Variants in PHACTR2 observed in about 807,000 individuals in gnomAD.
PHACTR2 encodes chromosome 6 open reading frame 56.
Under a neutral mutation model 76.0 loss-of-function variants are expected in PHACTR2, and 30 were observed. That is an observed-to-expected ratio of 0.39 (90% CI 0.30 to 0.54). The LOEUF (loss-of-function observed/expected upper bound fraction) is 0.54, where lower values mean the gene tolerates loss of function less well. PHACTR2 is among the 20% of genes least tolerant of loss of function. The probability of loss-of-function intolerance (pLI) is 0.61; values close to 1 mark genes in which losing one functional copy is unlikely to be tolerated. For missense variants in PHACTR2, 696 were observed against 781.1 expected (o/e 0.89, Z 1.30); for synonymous variants, 292 against 292.5 (o/e 1.00, Z 0.02).
intron 2 of PHACTR2, among the ~76,000 whole-genome samples, chr6:143,737,885 A>T (rs1299550851): frequency 6.6e-6 from 1 of 152,196 alleles, no homozygotes; most frequent in Non-Finnish European, 1.5e-5. Flanking sequence ...TGTAGGCAAG[A>T]TGGTAGGTAG....
chr6:143,827,173 T>TATATATATATATATATATATA lies in PHACTR2; in HGVS notation c.*3485_*3505dup, dbSNP rs1776557170. Reference sequence around the variant, plus strand: ...AAAAGAAAATATATATATATATATATATATATATATATATATATATATATA... The same window carrying TATATATATATATATATATATA: ...AAAAGAAAATATATATATATATATATATATATATATATATATATATAATATATATATATATATATATATATA... On this transcript the variant is annotated 3_prime_UTR_variant, in exon 13 of 13. Transcript: ENST00000440869. 8.3e-6 allele frequency: 1 copy of TATATATATATATATATATATA among 119,836 alleles called. No homozygotes were observed. Among genetic ancestry groups the TATATATATATATATATATATA allele is most frequent in the Non-Finnish European group, 1.7e-5 (1 of 58,146 alleles). 7.4% of individuals were successfully genotyped at this position (119,836 alleles called of 1,614,324 possible). A position where few individuals can be genotyped will look rare whatever the true frequency, so the allele number is the denominator to read the frequency against.
rs1775411135 is a variant in PHACTR2, at chr6:143,780,811, T to G, written c.1646-2408T>G. 6.6e-6 allele frequency among the ~76,000 whole-genome samples: 1 copy of G among 152,234 alleles called. No individual in the cohort carries two copies. Among genetic ancestry groups the G allele is most frequent in the Non-Finnish European group, 1.5e-5 (1 of 68,044 alleles). ...TCAATGAACCACGTCACTTCCTTCA[T>G]GCATATCCCACCAGCCTGTTTAAAT... On this transcript the variant is annotated intron_variant, in intron 9 of 12. Transcript: ENST00000440869. This position sits in a 1 kb window ranked among gnomAD's most constrained non-coding sequence, Gnocchi z 4.4.
intron 1 of PHACTR2, among the ~76,000 whole-genome samples, chr6:143,651,648 T>C: frequency 6.6e-6 from 1 of 151,522 alleles, no homozygotes; most frequent in East Asian, 2.0e-4. Context: ...TGAGAACACA[T>C]GGACACATGG....
At chr6:143,649,716 T>G (rs1776723192) in intron 1 of PHACTR2, among the ~76,000 whole-genome samples, 1 of 152,142 alleles carries the variant, frequency 6.6e-6, no homozygotes, top group Non-Finnish European at 1.5e-5. Flanking sequence ...GCACCATATA[T>G]GACAAACCCA....
In PHACTR2 at chr6:143,546,375, T is replaced by A. The variant is rs1387542357; in HGVS notation, c.217+9168T>A. Among the ~76,000 whole-genome samples, 1 of 150,974 alleles carries A rather than the reference T, an allele frequency of 6.6e-6. No homozygotes were observed. The highest frequency in any genetic ancestry group is 1.5e-5 in the Non-Finnish European group (1 of 67,860). Reference sequence around the variant, plus strand: ...TGTGACTTAAAAAAAAAAAAAAACATGTTATCTCTCTCTAGAACTTTGGAC... The same window carrying A: ...TGTGACTTAAAAAAAAAAAAAAACAAGTTATCTCTCTCTAGAACTTTGGAC... On this transcript the variant is annotated intron_variant, in intron 1 of 11. Transcript: ENST00000367584. This position sits in a 1 kb window ranked among gnomAD's most constrained non-coding sequence, Gnocchi z 4.9.
At position 143,710,820 on chromosome 6, in the gene PHACTR2, G is replaced by C. The variant is rs1778157872; in HGVS notation, c.47-1196G>C. On this transcript the variant is annotated intron_variant, in intron 1 of 12. Coordinates refer to ENST00000440869, the MANE Select transcript of PHACTR2 (RefSeq NM_001100164.2). This position sits in a 1 kb window ranked among gnomAD's most constrained non-coding sequence, Gnocchi z 4.9. ...AGAAAGTTGTTAAAAATACAGAGAA[G>C]ATAAAAGAATTGGTATCACGCCTCA... Among the ~76,000 whole-genome samples the C allele has an allele frequency of 6.6e-6, 1 of 152,216 alleles. No homozygotes were observed. Among genetic ancestry groups the C allele is most frequent in the Non-Finnish European group, 1.5e-5 (1 of 68,032 alleles).
chr6:143,600,513 C>T lies in PHACTR2; in HGVS notation c.217+63306C>T, dbSNP rs1035107761. Among the ~76,000 whole-genome samples the T allele has an allele frequency of 2.0e-5, 3 of 152,156 alleles. No homozygotes were observed. In the East Asian group the frequency reaches 5.8e-4, roughly 29 times the overall value. Reference sequence around the variant, plus strand: ...TTCTTAAAAACTATTTTTAAAAATCCTTGAAGTGATAAATAGATTGAGCTA... The same window carrying T: ...TTCTTAAAAACTATTTTTAAAAATCTTTGAAGTGATAAATAGATTGAGCTA... On this transcript the variant is annotated intron_variant, in intron 1 of 11. Coordinates refer to the PHACTR2 transcript ENST00000367584.
intron 1 of PHACTR2, among the ~76,000 whole-genome samples, chr6:143,565,545 C>A (rs1174323915): frequency 6.8e-6 from 1 of 147,498 alleles, no homozygotes; most frequent in African/African-American, 2.5e-5. Flanking sequence ...GCGGAGCTTG[C>A]AGTGAGCCAA....
intron 2 of PHACTR2, among the ~76,000 whole-genome samples, chr6:143,718,645 G>T (rs1778357176): frequency 6.6e-6 from 1 of 152,158 alleles, no homozygotes; most frequent in Non-Finnish European, 1.5e-5. Flanking sequence ...TAGAAAAATG[G>T]TTGGCAAGGA....
chr6:143,570,459 G>C lies in PHACTR2; in HGVS notation c.217+33252G>C, dbSNP rs1775434125. 6.6e-6 allele frequency among the ~76,000 whole-genome samples: 1 copy of C among 152,170 alleles called. No homozygotes were observed. Among genetic ancestry groups the C allele is most frequent in the South Asian group, 2.1e-4 (1 of 4,830 alleles). On this transcript the variant is annotated intron_variant, in intron 1 of 11. Transcript: ENST00000367584. This position sits in a 1 kb window ranked among gnomAD's most constrained non-coding sequence, Gnocchi z 4.6. ...CAGTGACATGGAAGTAAATATTATT[G>C]TTTTTGGGGGGTGACATCGACTGCA...
chr6:143,725,659 A>G (rs1398286162), intron 2 of PHACTR2, among the ~76,000 whole-genome samples: 1 of 147,188 alleles, frequency 6.8e-6, no homozygotes, highest in East Asian at 2.1e-4. Flanking sequence ...ATATGGTGAA[A>G]CCCCGTCTCT....
chr6:143,707,230 C>T (rs563303302), intron 1 of PHACTR2, among the ~76,000 whole-genome samples: 1 of 152,252 alleles, frequency 6.6e-6, no homozygotes, highest in South Asian at 2.1e-4. Context: ...GTTTGATATC[C>T]TTAGTGTTTT....
rs777874434 is a variant in PHACTR2 at position 143,765,525 on chromosome 6, T to G, written c.959T>G (p.Val320Gly). 1.9e-6 allele frequency: 3 copies of G among 1,614,202 alleles called. No homozygotes were observed. In the South Asian group the frequency reaches 3.3e-5, roughly 18 times the overall value. ...RVESFKLEQT[V>G]PGAEEQNTGK... ...GAGAGTTTCAAACTCGAACAGACTG[T>G]CCCTGGAGCTGAGGAGCAGAACACA... Residue 320 changes from valine to glycine, a missense_variant, in exon 6 of 13, where the codon GTC (valine) becomes GGC (glycine). Val to Gly is a moderately radical substitution (Grantham distance 109, BLOSUM62 -3). This residue lies in a region of PHACTR2 where 460 missense variants were observed against 450.9 expected (regional missense o/e 1.02). Coordinates refer to ENST00000440869, the MANE Select transcript of PHACTR2 (RefSeq NM_001100164.2). The surrounding 1 kb of genome is among the most constrained non-coding windows in gnomAD (Gnocchi z 4.1).
At chr6:143,690,408 C>CT (rs1562271179) in intron 1 of PHACTR2, among the ~76,000 whole-genome samples, 2,589 of 151,718 alleles carry the variant, frequency 0.017, 68 homozygotes, top group African/African-American at 0.057. Flanking sequence ...TCCCATGCCC[C>CT]CTTTTTTTTT....
At chr6:143,770,507 T>C (rs920966194) in intron 6 of PHACTR2, among the ~76,000 whole-genome samples, 1 of 152,208 alleles carries the variant, frequency 6.6e-6, no homozygotes, top group Non-Finnish European at 1.5e-5. Flanking sequence ...AAATTTTATG[T>C]TATGTATATT....
At chr6:143,600,951 T>C (rs762448019) in intron 1 of PHACTR2, among the ~76,000 whole-genome samples, 2 of 152,246 alleles carry the variant, frequency 1.3e-5, no homozygotes, top group African/African-American at 2.4e-5. Flanking sequence ...AGATGACACA[T>C]GAACATGCTA....
chr6:143,624,397 G>A lies in PHACTR2; in HGVS notation c.13+16075G>A, dbSNP rs1023236476. On this transcript the variant is annotated intron_variant, in intron 1 of 11. Coordinates refer to the PHACTR2 transcript ENST00000305766. This position sits in a 1 kb window ranked among gnomAD's most constrained non-coding sequence, Gnocchi z 4.6. ...GCTAGGATTACAGGCGTGAGCCACC[G>A]TGCCTGGCCAAAATCTTGTTAATTC... Among the ~76,000 whole-genome samples, 33 of 152,080 alleles carry A rather than the reference G, an allele frequency of 2.2e-4. No homozygotes were observed. Among genetic ancestry groups the A allele is most frequent in the African/African-American group, 7.5e-4 (31 of 41,396 alleles).
intron 1 of PHACTR2, among the ~76,000 whole-genome samples, chr6:143,692,523 A>G (rs1267890351): frequency 1.3e-5 from 2 of 152,230 alleles, no homozygotes; most frequent in Non-Finnish European, 2.9e-5. Flanking sequence ...AAACATGAAA[A>G]GAATAAAATC....
chr6:143,643,097 T>G (rs964512598), intron 1 of PHACTR2, among the ~76,000 whole-genome samples: 1 of 152,244 alleles, frequency 6.6e-6, no homozygotes, highest in Non-Finnish European at 1.5e-5. Flanking sequence ...AAAAAGATTT[T>G]ATAGTGCATA....
Sources: allele counts gnomAD v4.1 joint callset (sites outside exome capture counted in the v4.1 genomes callset), GRCh38; gene constraint gnomAD v4.1.1; regional missense constraint gnomAD v4.1.1; non-coding constraint Gnocchi (gnomAD v3.1); transcripts MANE v1.5; gene names NCBI Gene and HGNC (gene_info 2026-07-23, HGNC 2026-07-21).